Variants in CPLANE1 observed in about 807,000 individuals in gnomAD.
CPLANE1 encodes ciliogenesis and planar polarity effector 1.
A neutral mutation model predicts 362.5 loss-of-function variants in CPLANE1; 263 were observed. The ratio of observed to expected loss-of-function variants is 0.73; its 90% CI spans 0.66 to 0.80. CPLANE1 has a LOEUF of 0.80. Ranked by LOEUF, CPLANE1 falls within the 30% of genes least tolerant of loss-of-function variation. The probability of loss-of-function intolerance (pLI) is 0.00; values close to 1 mark genes in which losing one functional copy is unlikely to be tolerated. For missense variants in CPLANE1, 3,461 were observed against 3,793.4 expected (o/e 0.91, Z 2.30); for synonymous variants, 1,212 against 1,302.6 (o/e 0.93, Z 1.50).
At chr5:37,240,152 G>A (rs996587235) in intron 6 of CPLANE1, among the ~76,000 whole-genome samples, 1 of 152,114 alleles carries the variant, frequency 6.6e-6, no homozygotes, top group African/African-American at 2.4e-5. Context: ...AGGAGTCTGA[G>A]ACCAGCCTAG....
the CPLANE1 span, among the ~76,000 whole-genome samples, chr5:37,075,776 G>A: frequency 1.2e-4 from 19 of 152,276 alleles, no homozygotes; most frequent in African/African-American, 4.6e-4. Context: ...CCGGAATCTA[G>A]ACCTTGCAAT....
chr5:37,237,638 AGAT>A (rs1413270417), intron 8 of CPLANE1, among the ~76,000 whole-genome samples: 16 of 151,904 alleles, frequency 1.1e-4, no homozygotes, highest in Non-Finnish European at 1.5e-4. Flanking sequence ...CGAGGTCAGG[AGAT>A]TGAGACCATC....
intron 50 of CPLANE1, among the ~76,000 whole-genome samples, chr5:37,115,597 CTT>C (rs202050168): frequency 1.5e-4 from 19 of 124,608 alleles, no homozygotes; most frequent in Non-Finnish European, 1.5e-4. Context: ...ACTTTTATTT[CTT>C]TTTTTTTTTT....
At chr5:37,191,225 T>G (rs1785464140) in intron 21 of CPLANE1, among the ~76,000 whole-genome samples, 1 of 152,136 alleles carries the variant, frequency 6.6e-6, no homozygotes, top group African/African-American at 2.4e-5. Flanking sequence ...AAATAAACTT[T>G]AAAATTTTTC....
In CPLANE1 at chr5:37,182,024, G is replaced by A. The variant is rs966407323; in HGVS notation, c.5421+736C>T. Among the ~76,000 whole-genome samples, 3 of 151,324 alleles carry A rather than the reference G, an allele frequency of 2.0e-5. No individual in the cohort carries two copies. In the East Asian group the frequency reaches 5.8e-4, roughly 29 times the overall value. ...GGAGAATCGCTTGAATCCAGGAGGCGGAGGTTGCAGTGAGTTGAGATCACG... is the reference window on the plus strand; with the variant it reads ...GGAGAATCGCTTGAATCCAGGAGGCAGAGGTTGCAGTGAGTTGAGATCACG... On this transcript the variant is annotated intron_variant, in intron 26 of 52. Coordinates refer to ENST00000651892, the MANE Select transcript of CPLANE1 (RefSeq NM_001384732.1).
At chr5:37,217,628 A>C (rs1794393119) in intron 15 of CPLANE1, among the ~76,000 whole-genome samples, 1 of 151,246 alleles carries the variant, frequency 6.6e-6, no homozygotes. Context: ...TAAATAAATA[A>C]ATAAATAAAT....
At chr5:37,206,129 G>C (rs904875082) in intron 17 of CPLANE1, 68 bp downstream of exon 17, 1 of 1,022,336 alleles carries the variant, frequency 9.8e-7, no homozygotes, top group African/African-American at 1.6e-5. Context: ...GTAAATACCA[G>C]CAATAAGAGA....
In CPLANE1 at chr5:37,245,607, A is replaced by G; in HGVS notation, c.218-9T>C. On this transcript the variant is annotated splice_polypyrimidine_tract_variant and intron_variant, in intron 3 of 52. Transcript: ENST00000651892. ...CCCAGCCAGCCAGGCATCTGTTTCC[A>G]AAAATGAAATGCAATACTTACAATC... 6.6e-7 allele frequency: 1 copy of G among 1,506,088 alleles called. No homozygotes were observed. Among genetic ancestry groups the G allele is most frequent in the Non-Finnish European group, 8.9e-7 (1 of 1,127,902 alleles). The allele number at this position is 1,506,088 out of a possible 1,614,324, so 93.3% of individuals were successfully genotyped here. A position where few individuals can be genotyped will look rare whatever the true frequency, so the allele number is the denominator to read the frequency against.
At chr5:37,239,992 AT>A in intron 6 of CPLANE1, 123 bp from the exon 7 acceptor site, 1 of 580,910 alleles carries the variant, frequency 1.7e-6, no homozygotes, top group Non-Finnish European at 2.8e-6. Context: ...CTTAGGGAAT[AT>A]TTTAGAGACT....
At position 37,221,434 on chromosome 5, in the gene CPLANE1, C is replaced by T; in HGVS notation, c.2636G>A (p.Cys879Tyr). The T allele has an allele frequency of 6.5e-7, 1 of 1,529,494 alleles. No individual in the cohort carries two copies. Among genetic ancestry groups the T allele is most frequent in the Non-Finnish European group, 8.8e-7 (1 of 1,138,582 alleles). 94.7% of individuals were successfully genotyped at this position (1,529,494 alleles called of 1,614,324 possible). ...ATTTAAATTATAGCTATAGAGGTGGCAGTATAAGAGAGAAAGATAATAGCG... is the reference window on the plus strand; with the variant it reads ...ATTTAAATTATAGCTATAGAGGTGGTAGTATAAGAGAGAAAGATAATAGCG... Reference protein sequence around the residue: ...QIRYYLSLLYCHLYSYNLNDA... With the variant: ...QIRYYLSLLYYHLYSYNLNDA... Residue 879 changes from cysteine (C) to tyrosine (Y), a missense_variant, in exon 15 of 53, where the codon TGC becomes TAC. Cys to Tyr is a radical substitution (Grantham distance 194). Around this residue, in one of 2 missense-constraint regions of CPLANE1, gnomAD observed 3,380 missense variants for 3,666.1 expected, o/e 0.92. Coordinates refer to ENST00000651892, the MANE Select transcript of CPLANE1 (RefSeq NM_001384732.1).
intron 20 of CPLANE1, among the ~76,000 whole-genome samples, chr5:37,198,175 A>G (rs1788086676): frequency 6.6e-6 from 1 of 152,240 alleles, no homozygotes; most frequent in African/African-American, 2.4e-5. Context: ...TAGATATCTG[A>G]TAAGAATGAA....
chr5:37,234,061 T>C (rs577219527), intron 8 of CPLANE1, among the ~76,000 whole-genome samples: 3 of 152,054 alleles, frequency 2.0e-5, no homozygotes, highest in Non-Finnish European at 4.4e-5. Flanking sequence ...ATCAACAACA[T>C]ACATACATCT....
intron 16 of CPLANE1, chr5:37,212,346 C>A (rs1303137561): frequency 2.3e-6 from 2 of 855,406 alleles, no homozygotes; most frequent in Non-Finnish European, 4.1e-6. Flanking sequence ...AAGTTTAACA[C>A]GCTTTTCTCA....
At chr5:37,170,868 G>A (rs183546702) in intron 32 of CPLANE1, among the ~76,000 whole-genome samples, 65 of 152,308 alleles carry the variant, frequency 4.3e-4, no homozygotes, top group African/African-American at 1.5e-3. Flanking sequence ...CCAGGGAGGC[G>A]GAGGTTACAC....
At chr5:37,152,186 T>C (rs78166663) in intron 42 of CPLANE1, among the ~76,000 whole-genome samples, 2 of 152,274 alleles carry the variant, frequency 1.3e-5, no homozygotes, top group East Asian at 1.9e-4. Context: ...TAACTTTGTT[T>C]TTTTTTAAGA....
At chr5:37,104,169 G>T (rs1757430766), downstream of CPLANE1, among the ~76,000 whole-genome samples, 2 of 152,146 alleles carry the variant, frequency 1.3e-5, no homozygotes, top group Admixed American at 1.3e-4. Context: ...ATTGATACTT[G>T]TGATTGCACA....
intron 15 of CPLANE1, among the ~76,000 whole-genome samples, chr5:37,219,015 G>A (rs1406540897): frequency 1.3e-5 from 2 of 150,866 alleles, no homozygotes; most frequent in South Asian, 2.1e-4. Flanking sequence ...GTTAAATCAC[G>A]TAAGGACAAT....
rs902180983 is a variant in CPLANE1 at position 37,247,797 on chromosome 5, C to T, written c.-47-52G>A. On this transcript the variant is annotated intron_variant, in intron 1 of 52. Coordinates refer to ENST00000651892, the MANE Select transcript of CPLANE1 (RefSeq NM_001384732.1). The stretch of plus-strand genomic sequence containing the variant: ...TAAATGATGCATAATATTCACTGGG[C>T]ATTTTTTTTTTTTTTTTGAGACAAG... 6.8e-6 allele frequency: 8 copies of T among 1,175,960 alleles called. No homozygotes were observed. In the African/African-American group the frequency reaches 6.9e-5, roughly 10 times the overall value. 72.8% of individuals were successfully genotyped at this position (1,175,960 alleles called of 1,614,324 possible).
At chr5:37,214,023 C>G (rs1561627761) in intron 15 of CPLANE1, among the ~76,000 whole-genome samples, 1 of 150,894 alleles carries the variant, frequency 6.6e-6, no homozygotes, top group Non-Finnish European at 1.5e-5. Flanking sequence ...AGATTTGTGA[C>G]AATTTGAAAA....
Sources: gnomAD v4.1 joint callset for allele counts (sites outside exome capture counted in the v4.1 genomes callset) on GRCh38, gnomAD v4.1.1 for gene constraint, gnomAD v4.1.1 regional missense constraint, MANE v1.5 for transcripts, NCBI Gene and HGNC (gene_info 2026-07-23, HGNC 2026-07-21) for gene names.